Variants in RNF2 observed in about 807,000 individuals in gnomAD.
RNF2 encodes the protein E3 ubiquitin-protein ligase RING2.
A neutral mutation model predicts 37.2 loss-of-function variants in RNF2; 6 were observed. The observed-to-expected ratio is 0.16, with a 90% confidence interval of 0.09 to 0.32. RNF2 has a LOEUF of 0.32. Among genes scored for constraint, RNF2 ranks in the 10% least tolerant of loss-of-function variants. RNF2 has a pLI of 1.00. For synonymous variants in RNF2, 133 were observed against 132.7 expected, an observed-to-expected ratio of 1.00 and a Z score of -0.02; for missense variants, 251 against 404.0, an observed-to-expected ratio of 0.62 and a Z score of 3.25.
chr1:185,051,527 A>G (rs1650272456), intron 1 of RNF2, among the ~76,000 whole-genome samples: 1 of 152,204 alleles, frequency 6.6e-6, no homozygotes, highest in Admixed American at 6.5e-5. Context: ...TAAGGGGTGT[A>G]TGTGAAGAAA....
chr1:185,055,514 A>G (rs1650407006), intron 1 of RNF2, among the ~76,000 whole-genome samples: 1 of 152,152 alleles, frequency 6.6e-6, no homozygotes, highest in African/African-American at 2.4e-5. Context: ...TCCGCCTCCC[A>G]GGTTCAAGCT....
intron 1 of RNF2, among the ~76,000 whole-genome samples, chr1:185,062,124 A>G (rs1282958758): frequency 6.6e-6 from 1 of 152,176 alleles, no homozygotes; most frequent in African/African-American, 2.4e-5. Context: ...AGAACTTTTA[A>G]CTGCTTTTGA....
chr1:185,048,589 G>C (rs1341394767), intron 1 of RNF2, among the ~76,000 whole-genome samples: 1 of 152,162 alleles, frequency 6.6e-6, no homozygotes, highest in Non-Finnish European at 1.5e-5. Flanking sequence ...ATACTATTAA[G>C]TGAAGTAACC....
intron 4 of RNF2, among the ~76,000 whole-genome samples, 192 bp from the exon 5 acceptor site, chr1:185,097,880 T>A (rs1651957075): frequency 6.6e-6 from 1 of 152,210 alleles, no homozygotes; most frequent in Admixed American, 6.5e-5. Flanking sequence ...ATTATTTAAA[T>A]GTTTGCCTGT....
intron 1 of RNF2, among the ~76,000 whole-genome samples, chr1:185,071,282 T>A (rs1430264937): frequency 2.0e-5 from 3 of 152,158 alleles, no homozygotes; most frequent in Non-Finnish European, 4.4e-5. Flanking sequence ...TAATTGACAT[T>A]GTTAAGGTGA....
intron 1 of RNF2, among the ~76,000 whole-genome samples, chr1:185,048,376 A>G (rs1466451248): frequency 6.6e-6 from 1 of 152,176 alleles, no homozygotes; most frequent in African/African-American, 2.4e-5. Context: ...TTAGTTATGT[A>G]TCTTGTTGGA....
At chr1:185,059,050 T>G (rs1650522062) in intron 1 of RNF2, among the ~76,000 whole-genome samples, 1 of 152,218 alleles carries the variant, frequency 6.6e-6, no homozygotes, top group South Asian at 2.1e-4. Flanking sequence ...TCCCTGGCTT[T>G]CTTTCAGCCT....
chr1:185,093,692 A>G (rs555475102), intron 4 of RNF2, among the ~76,000 whole-genome samples: 21 of 152,168 alleles, frequency 1.4e-4, no homozygotes, highest in Non-Finnish European at 2.8e-4. Flanking sequence ...ATTTGACACA[A>G]TTAATTTCTC....
chr1:185,060,790 G>A (rs1650574876), intron 1 of RNF2, among the ~76,000 whole-genome samples: 1 of 152,204 alleles, frequency 6.6e-6, no homozygotes, highest in African/African-American at 2.4e-5. Flanking sequence ...ACCAGTGTAA[G>A]GAATATGTCT....
At chr1:185,075,078 T>C (rs538901558) in intron 1 of RNF2, among the ~76,000 whole-genome samples, 1 of 152,264 alleles carries the variant, frequency 6.6e-6, no homozygotes, top group East Asian at 1.9e-4. Flanking sequence ...CACTGCAACC[T>C]ACACCTTCCG....
chr1:185,056,529 A>AT (rs909685525), intron 1 of RNF2, among the ~76,000 whole-genome samples: 43 of 132,854 alleles, frequency 3.2e-4, no homozygotes, highest in East Asian at 2.8e-3. Flanking sequence ...TGGCTCATTT[A>AT]TTTTTTTTTA....
chr1:185,076,265 G>GTTTTTTTTTTTTTTTTTTTTTTTTTTT (rs1557967374), intron 1 of RNF2, among the ~76,000 whole-genome samples: 1 of 39,540 alleles, frequency 2.5e-5, no homozygotes, highest in Non-Finnish European at 5.8e-5. Context: ...TCTTTTATGG[G>GTTTTTTTTTTTTTTTTTTTTTTTTTTT]TTGTTTTTTT....
At chr1:185,084,967 G>A (rs1471886624) in intron 1 of RNF2, among the ~76,000 whole-genome samples, 1 of 151,976 alleles carries the variant, frequency 6.6e-6, no homozygotes, top group East Asian at 1.9e-4. Flanking sequence ...GGAGGTGTGG[G>A]AATTTTTTTT....
intron 2 of RNF2, among the ~76,000 whole-genome samples, chr1:185,089,897 G>T (rs929013505): frequency 1.3e-5 from 2 of 151,832 alleles, no homozygotes; most frequent in African/African-American, 4.8e-5. Context: ...CAGGCCTGGT[G>T]GTGCACACCT....
chr1:185,061,900 G>A (rs1557961547), intron 1 of RNF2, among the ~76,000 whole-genome samples: 1 of 152,162 alleles, frequency 6.6e-6, no homozygotes, highest in Non-Finnish European at 1.5e-5. Context: ...TTACAAATGA[G>A]GAAACTGGAC....
chr1:185,059,597 T>C (rs570921673), intron 1 of RNF2, among the ~76,000 whole-genome samples: 1 of 152,328 alleles, frequency 6.6e-6, no homozygotes, highest in South Asian at 2.1e-4. Context: ...GCAGACATCT[T>C]CATGTTAATG....
intron 1 of RNF2, chr1:185,046,037 T>C (rs1316344043): frequency 6.6e-6 from 1 of 152,072 alleles, no homozygotes; most frequent in African/African-American, 2.4e-5. Flanking sequence ...GCAGCCCTAC[T>C]CCGGAGGCGG....
chr1:185,077,710 G>GT (rs1246217141), intron 1 of RNF2, among the ~76,000 whole-genome samples: 5 of 108,768 alleles, frequency 4.6e-5, no homozygotes, highest in African/African-American at 1.8e-4. Flanking sequence ...AATCTGTTTT[G>GT]TTTTGTTTTT....
At chr1:185,056,614 T>TC (rs1354432547) in intron 1 of RNF2, among the ~76,000 whole-genome samples, 1 of 152,106 alleles carries the variant, frequency 6.6e-6, no homozygotes, top group Non-Finnish European at 1.5e-5. Flanking sequence ...CAAGTGATCC[T>TC]CCCTCCTTGG....
Sources: allele counts gnomAD v4.1 joint callset (sites outside exome capture counted in the v4.1 genomes callset), GRCh38; gene constraint gnomAD v4.1.1; transcripts MANE v1.5; gene names NCBI Gene and HGNC (gene_info 2026-07-23, HGNC 2026-07-21).